Variants in SHBG observed in about 807,000 individuals in gnomAD.
SHBG encodes the protein sex hormone-binding globulin.
In SHBG, 37 loss-of-function variants were observed where a neutral mutation model predicts 41.9. That is an observed-to-expected ratio of 0.88 (90% CI 0.68 to 1.16). The LOEUF is 1.16. Among genes scored for constraint, SHBG ranks in the 50% most tolerant of loss-of-function variants. The pLI, the probability that SHBG is intolerant of heterozygous loss-of-function variation, is 0.00. For missense variants in SHBG, 466 were observed against 499.9 expected, an observed-to-expected ratio of 0.93 and a Z score of 0.65; for synonymous variants, 217 against 205.8, an observed-to-expected ratio of 1.05 and a Z score of -0.47.
At chr17:7,628,815 G>A (rs1413840000), upstream of SHBG, among the ~76,000 whole-genome samples, 1 of 151,994 alleles carries the variant, frequency 6.6e-6, no homozygotes, top group African/African-American at 2.4e-5. Context: ...CAGCATTTTG[G>A]GAGGCAGAGG....
chr17:7,617,205 G>T (rs376178127), intron 1 of SHBG, among the ~76,000 whole-genome samples: 1 of 151,534 alleles, frequency 6.6e-6, no homozygotes, highest in East Asian at 1.9e-4. Context: ...TTAAATTTTT[G>T]TATTTAATGG....
upstream of SHBG, chr17:7,626,508 G>C (rs749920836): frequency 6.2e-7 from 1 of 1,614,196 alleles, no homozygotes; most frequent in Admixed American, 1.7e-5. Context: ...CCAGCCCTCA[G>C]CTTCCGTCAG....
intron 1 of SHBG, among the ~76,000 whole-genome samples, chr17:7,619,711 CA>C (rs36022075): frequency 0.045 from 3,475 of 77,948 alleles, 41 homozygotes; most frequent in Middle Eastern, 0.076. Flanking sequence ...AACTTCGTCT[CA>C]AAAAAAAAAA....
upstream of SHBG, chr17:7,628,171 G>C (rs1321281324): frequency 2.2e-6 from 1 of 457,102 alleles, no homozygotes; most frequent in Non-Finnish European, 4.4e-6. Flanking sequence ...AAGACCCTCA[G>C]CTCTGAAAGC....
upstream of SHBG, chr17:7,629,971 T>C (rs915230329): frequency 1.4e-5 from 9 of 646,578 alleles, no homozygotes; most frequent in Non-Finnish European, 2.8e-6. Context: ...GACTCTGTCC[T>C]TCACCCCATT....
upstream of SHBG, chr17:7,626,778 G>T: frequency 6.8e-6 from 11 of 1,613,934 alleles, no homozygotes; most frequent in Non-Finnish European, 9.3e-6. Flanking sequence ...GATTATTTTG[G>T]AACCAATCCC....
chr17:7,632,859 G>C lies in SHBG; in HGVS notation c.960G>C (p.Gly320=). 1 of 1,614,182 alleles carries C rather than the reference G, an allele frequency of 6.2e-7. No individual in the cohort carries two copies. The highest frequency in any genetic ancestry group is 8.5e-7 in the Non-Finnish European group (1 of 1,180,026). Residue 320 remains glycine (G), a synonymous_variant, in exon 7 of 8, where the codon GGG becomes GGC. Transcript: ENST00000380450. The stretch of plus-strand genomic sequence containing the variant: ...TGTCCAGGGTGGTCTTGAGCCAAGG[G>C]TCGAAGATGAAGGCCCTTGCCCTGC... ...LSMSRVVLSQ[G]SKMKALALPP... is the part of the protein sequence containing the mutation.
At chr17:7,623,101 TG>T (rs1253624180), upstream of SHBG, among the ~76,000 whole-genome samples, 2 of 147,428 alleles carry the variant, frequency 1.4e-5, no homozygotes, top group Non-Finnish European at 3.0e-5. Flanking sequence ...AGATAAATTT[TG>T]GAAGTATTGG....
upstream of SHBG, chr17:7,626,147 T>C (rs2072197703): frequency 4.0e-6 from 1 of 250,290 alleles, no homozygotes; most frequent in African/African-American, 2.4e-5. Context: ...TGAGCGGAGT[T>C]CGCACCACTG....
Position 7,630,314 on chromosome 17 carries a change from T to C in SHBG, c.111+31T>C. On this transcript the variant is annotated intron_variant, in intron 1 of 7. Transcript: ENST00000380450. The surrounding 1 kb of genome is among the most constrained non-coding windows in gnomAD (Gnocchi z 4.6). ...GGAGCGGGACAGGGCACTCAGCTCA[T>C]GCAGTCTTCCCTTCTCTCCTCTGGC... The C allele has an allele frequency of 6.3e-7, 1 of 1,599,652 alleles. No individual in the cohort carries two copies. Among genetic ancestry groups the C allele is most frequent in the Non-Finnish European group, 8.6e-7 (1 of 1,167,402 alleles).
intron 1 of SHBG, among the ~76,000 whole-genome samples, chr17:7,620,920 C>T (rs775894065): frequency 2.0e-5 from 3 of 151,564 alleles, no homozygotes; most frequent in Non-Finnish European, 2.9e-5. Context: ...CATGTGCCAC[C>T]GTGCCCAGAC....
chr17:7,627,663 TC>T, upstream of SHBG: 1 of 1,613,606 alleles, frequency 6.2e-7, no homozygotes, highest in Non-Finnish European at 8.5e-7. The surrounding 1 kb of genome is among the most constrained non-coding windows in gnomAD (Gnocchi z 4.8). Flanking sequence ...GGGACCAAAG[TC>T]CCAGGGCCTC....
chr17:7,615,251 G>C (rs1018015746), intron 1 of SHBG, among the ~76,000 whole-genome samples: 3 of 152,144 alleles, frequency 2.0e-5, no homozygotes, highest in African/African-American at 4.8e-5. Context: ...TGGCCCCACC[G>C]GGCTTGGACA....
upstream of SHBG, among the ~76,000 whole-genome samples, chr17:7,624,884 TG>T (rs981777126): frequency 1.6e-4 from 24 of 151,268 alleles, no homozygotes; most frequent in Non-Finnish European, 3.0e-4. Flanking sequence ...CTTGAACTCC[TG>T]GGCTCAAGCA....
Position 7,616,612 on chromosome 17 carries a change from G to A in SHBG, c.-62+2501G>A, listed in dbSNP as rs140690297. Among the ~76,000 whole-genome samples the A allele has an allele frequency of 5.9e-3, 883 of 148,730 alleles. 11 individuals are homozygous for A. The highest frequency in any genetic ancestry group is 0.021 in the African/African-American group (829 of 40,182). On this transcript the variant is annotated intron_variant, in intron 1 of 5. Transcript: ENST00000570547. ...TGCACTCCAGCTGGGGCGACAGAGC[G>A]AGACTCCATCTCAACAACAACAACA...
rs1050921398 is a variant in SHBG, at chr17:7,631,598, G to A, written c.565G>A (p.Ala189Thr). Residue 189 changes from alanine to threonine, a missense_variant, in exon 5 of 8, where the codon GCC becomes ACC. By Grantham distance (58) the Ala-to-Thr change is moderately conservative (BLOSUM62 0). Transcript: ENST00000380450. Reference protein sequence around the residue: ...ASNLRLPLVPALDGCLRRDSW... With the variant: ...ASNLRLPLVPTLDGCLRRDSW... The stretch of plus-strand genomic sequence containing the variant: ...CTCTGTCACACTCCAGCTGGTTCCT[G>A]CCCTGGATGGCTGCCTGCGCCGGGA... The A allele has an allele frequency of 1.9e-6, 3 of 1,614,080 alleles. No individual in the cohort carries two copies. The highest frequency in any genetic ancestry group is 2.5e-6 in the Non-Finnish European group (3 of 1,180,022).
rs553245853 is a variant in SHBG at position 7,631,838 on chromosome 17, C to A, written c.716-41C>A. 1.4e-5 allele frequency: 22 copies of A among 1,613,874 alleles called. No homozygotes were observed. In the East Asian group the frequency reaches 4.9e-4, roughly 36 times the overall value. Reference sequence around the variant, plus strand: ...CCACTGGCCCCTTTCCTCCTTGAGACCCCAGCTTTGAGGCCTCAGGATAAT... The same window carrying A: ...CCACTGGCCCCTTTCCTCCTTGAGAACCCAGCTTTGAGGCCTCAGGATAAT... On this transcript the variant is annotated intron_variant, in intron 5 of 7. Transcript: ENST00000380450.
At chr17:7,620,037 G>A (rs552659846) in intron 1 of SHBG, among the ~76,000 whole-genome samples, 2 of 150,610 alleles carry the variant, frequency 1.3e-5, no homozygotes, top group South Asian at 4.2e-4. Flanking sequence ...GTTACAGTGA[G>A]CTATGATCGT....
Position 7,631,663 on chromosome 17 carries a change from C to T in SHBG, c.630C>T (p.Ala210=), listed in dbSNP as rs1398770858. Residue 210 remains alanine, a synonymous_variant, in exon 5 of 8, where the codon GCC becomes GCT. Transcript: ENST00000380450. ...LDKQAEISAS[A]PTSLRSCDVE... is the part of the protein sequence containing the mutation. ...AACAGGCCGAGATCTCAGCATCTGC[C>T]CCCACTAGCCTCAGAAGCTGTGATG... The T allele has an allele frequency of 3.7e-6, 6 of 1,613,976 alleles. No homozygotes were observed. The African/African-American group carries it at 4.0e-5, about 11-fold the overall frequency.
Sources: allele counts gnomAD v4.1 joint callset (sites outside exome capture counted in the v4.1 genomes callset), GRCh38; gene constraint gnomAD v4.1.1; non-coding constraint Gnocchi (gnomAD v3.1); transcripts MANE v1.5; gene names NCBI Gene and HGNC (gene_info 2026-07-23, HGNC 2026-07-21).